LITAF: variants seen among roughly 807,000 people sequenced by gnomAD.
LITAF encodes lipopolysaccharide induced TNF factor.
A neutral mutation model predicts 14.5 loss-of-function variants in LITAF; 9 were observed. The ratio of observed to expected loss-of-function variants is 0.62; its 90% CI spans 0.37 to 1.08. LITAF has a LOEUF of 1.08. Ranked by LOEUF, LITAF falls within the 50% of genes least tolerant of loss-of-function variation. LITAF has a pLI of 0.01. For synonymous variants in LITAF, 98 were observed against 88.2 expected, an observed-to-expected ratio of 1.11 and a Z score of -0.62; for missense variants, 206 against 213.4, an observed-to-expected ratio of 0.97 and a Z score of 0.22.
chr16:11,629,597 A>C (rs1256826726), intron 3 of LITAF, among the ~76,000 whole-genome samples: 2 of 152,048 alleles, frequency 1.3e-5, no homozygotes, highest in African/African-American at 4.8e-5. Flanking sequence ...CAGCGGCCAC[A>C]CTCGAAGCAG....
At position 11,553,561 on chromosome 16, in the gene LITAF, G is replaced by C. The variant is rs1427794565; in HGVS notation, c.349C>G (p.Leu117Val). 6.2e-7 allele frequency: 1 copy of C among 1,614,126 alleles called. No individual in the cohort carries two copies. The highest frequency in any genetic ancestry group is 1.1e-5 in the South Asian group (1 of 91,076). The change falls in exon 3 of 4, where the codon CTG (leucine) becomes GTG (valine). Residue 117 changes from leucine to valine, a missense_variant. By Grantham distance (32) the Leu-to-Val change is conservative (BLOSUM62 1). Transcript: ENST00000622633. The surrounding 1 kb of genome is among the most constrained non-coding windows in gnomAD (Gnocchi z 7.7). ...AGCAGGCACAGGCTCCCGCAGGACA[G>C]CCAGGTCAGAGCACCGGCGTTATAG... is the stretch of plus-strand genomic sequence containing the variant. ...LSYNAGALTWLSCGSLCLLGC... is the reference protein window; with the variant it reads ...LSYNAGALTWVSCGSLCLLGC...
intron 1 of LITAF, among the ~76,000 whole-genome samples, chr16:11,569,568 C>G (rs191098360): frequency 1.0e-3 from 158 of 152,218 alleles, no homozygotes; most frequent in African/African-American, 3.7e-3. Flanking sequence ...TGTGTGTCCC[C>G]CTGTTATTTA....
chr16:11,576,801 C>T (rs1178231735), intron 1 of LITAF, among the ~76,000 whole-genome samples: 2 of 152,112 alleles, frequency 1.3e-5, no homozygotes, highest in Non-Finnish European at 2.9e-5. Flanking sequence ...GGTAAACAGG[C>T]TTGGGCATCT....
In LITAF at chr16:11,553,361, A is replaced by C; in HGVS notation, c.377+172T>G. On this transcript the variant is annotated intron_variant, in intron 3 of 3. Coordinates refer to ENST00000622633, the MANE Select transcript of LITAF (RefSeq NM_001136472.2). This position sits in a 1 kb window ranked among gnomAD's most constrained non-coding sequence, Gnocchi z 7.7. ...GAGCAGTGGGGGTTACAGTGAGCCG[A>C]GATCGCCCCACTGTACTCCAGCCTG... The C allele has an allele frequency of 2.9e-6, 2 of 687,508 alleles. No homozygotes were observed. The highest frequency in any genetic ancestry group is 3.4e-5 in the South Asian group (2 of 58,656). 42.6% of individuals were successfully genotyped at this position (687,508 alleles called of 1,614,324 possible).
chr16:11,637,505 G>C (rs2065142565), upstream of LITAF, among the ~76,000 whole-genome samples: 1 of 152,222 alleles, frequency 6.6e-6, no homozygotes, highest in Non-Finnish European at 1.5e-5. Flanking sequence ...CCTATGGCCT[G>C]GTAAAACTGC....
Position 11,558,525 on chromosome 16 carries a change from T to C in LITAF, c.-5-1790A>G, listed in dbSNP as rs778920332. ...GAATTCACCACCAGCCTGGGCAACATAGTGAGACCCTGTCTCTACAACGAA... is the reference window on the plus strand; with the variant it reads ...GAATTCACCACCAGCCTGGGCAACACAGTGAGACCCTGTCTCTACAACGAA... On this transcript the variant is annotated intron_variant, in intron 1 of 3. Transcript: ENST00000622633. This position sits in a 1 kb window ranked among gnomAD's most constrained non-coding sequence, Gnocchi z 4.1. Among the ~76,000 whole-genome samples, 14 of 151,898 alleles carry C rather than the reference T, an allele frequency of 9.2e-5. No homozygotes were observed. The highest frequency in any genetic ancestry group is 1.8e-4 in the Non-Finnish European group (12 of 67,952).
intron 3 of LITAF, among the ~76,000 whole-genome samples, chr16:11,612,888 T>C (rs1042247157): frequency 1.3e-5 from 2 of 152,214 alleles, no homozygotes; most frequent in Non-Finnish European, 2.9e-5. Flanking sequence ...TGAAGACTTG[T>C]GGGAACCCTG....
At chr16:11,567,359 G>A (rs1322182782) in intron 1 of LITAF, among the ~76,000 whole-genome samples, 1 of 151,796 alleles carries the variant, frequency 6.6e-6, no homozygotes, top group East Asian at 1.9e-4. Context: ...GATGGAGATT[G>A]CAGTGAGCTG....
At chr16:11,585,883 C>A (rs1395914263) in intron 1 of LITAF, among the ~76,000 whole-genome samples, 1 of 152,202 alleles carries the variant, frequency 6.6e-6, no homozygotes, top group African/African-American at 2.4e-5. Flanking sequence ...CAGCCAGTGA[C>A]ATCAGCTCCA....
upstream of LITAF, among the ~76,000 whole-genome samples, chr16:11,590,366 C>A (rs1224237268): frequency 8.5e-6 from 1 of 117,606 alleles, no homozygotes; most frequent in South Asian, 2.6e-4. Flanking sequence ...TGGTACCAGA[C>A]TTAATGATGG....
At chr16:11,574,906 G>C (rs537537143) in intron 1 of LITAF, among the ~76,000 whole-genome samples, 1 of 151,694 alleles carries the variant, frequency 6.6e-6, no homozygotes, top group East Asian at 1.9e-4. Context: ...AGGTTCAAGC[G>C]ATTCTCCTGC....
chr16:11,594,667 A>G (rs2064871068), intron 1 of LITAF, among the ~76,000 whole-genome samples: 1 of 152,054 alleles, frequency 6.6e-6, no homozygotes, highest in African/African-American at 2.4e-5. Flanking sequence ...CTTGAGGCTA[A>G]GAGTTTGAGA....
At chr16:11,595,376 G>C (rs996401804) in intron 1 of LITAF, among the ~76,000 whole-genome samples, 1 of 152,156 alleles carries the variant, frequency 6.6e-6, no homozygotes, top group East Asian at 1.9e-4. Context: ...GAGCTGAAAC[G>C]GGGTGAGCTC....
chr16:11,558,086 C>G lies in LITAF; in HGVS notation c.-5-1351G>C, dbSNP rs912903572. Among the ~76,000 whole-genome samples, 2 of 152,094 alleles carry G rather than the reference C, an allele frequency of 1.3e-5. No individual in the cohort carries two copies. The highest frequency in any genetic ancestry group is 1.3e-4 in the Admixed American group (2 of 15,266). On this transcript the variant is annotated intron_variant, in intron 1 of 3. Transcript: ENST00000622633. This position sits in a 1 kb window ranked among gnomAD's most constrained non-coding sequence, Gnocchi z 4.1. ...AGAAATGGGAAATGAGGCTCCGGGG[C>G]AGCGAGCCACAACCACCACTCCCCT...
At chr16:11,611,666 CTTTTTTT>C (rs778921315) in intron 3 of LITAF, among the ~76,000 whole-genome samples, 3 of 142,682 alleles carry the variant, frequency 2.1e-5, no homozygotes, top group Non-Finnish European at 3.1e-5. Context: ...TTTTCTTTTT[CTTTTTTT>C]TTTTTTTAAG....
intron 1 of LITAF, among the ~76,000 whole-genome samples, chr16:11,565,410 C>T (rs1350233748): frequency 8.7e-6 from 1 of 114,652 alleles, no homozygotes; most frequent in South Asian, 2.9e-4. Flanking sequence ...AAATGGTTAT[C>T]TTTATGTGAC....
chr16:11,556,328 A>T (rs1207380605), intron 2 of LITAF, 183 bp downstream of exon 2: 1 of 605,844 alleles, frequency 1.7e-6, no homozygotes, highest in African/African-American at 1.9e-5. Context: ...ATTACGGAAA[A>T]GCTGTGAGCC....
At chr16:11,640,037 G>T (rs2065158433), upstream of LITAF, among the ~76,000 whole-genome samples, 1 of 152,206 alleles carries the variant, frequency 6.6e-6, no homozygotes, top group African/African-American at 2.4e-5. Flanking sequence ...GCCTCCCAAA[G>T]TGCTGAGATT....
At chr16:11,564,689 A>T (rs943249047) in intron 1 of LITAF, among the ~76,000 whole-genome samples, 2 of 152,126 alleles carry the variant, frequency 1.3e-5, no homozygotes, top group Non-Finnish European at 2.9e-5. Context: ...CTAAATGCAA[A>T]GGAAAAGATC....
Sources: allele counts gnomAD v4.1 joint callset (sites outside exome capture counted in the v4.1 genomes callset), GRCh38; gene constraint gnomAD v4.1.1; non-coding constraint Gnocchi (gnomAD v3.1); transcripts MANE v1.5; gene names NCBI Gene and HGNC (gene_info 2026-07-23, HGNC 2026-07-21).